The following TAF4 variants were observed in gnomAD, a reference collection of about 807,000 sequenced individuals.
The protein encoded by TAF4 is transcription initiation factor TFIID subunit 4.
TAF4 carries 9 observed loss-of-function variants against 90.3 expected under a neutral mutation model. That is an observed-to-expected ratio of 0.10 (90% CI 0.06 to 0.17). The LOEUF (loss-of-function observed/expected upper bound fraction) is 0.17, where lower values mean the gene tolerates loss of function less well. Ranked by LOEUF, TAF4 falls within the 10% of genes least tolerant of loss-of-function variation. TAF4 has a pLI of 1.00. For missense variants in TAF4, 1,351 were observed against 1,370.7 expected, an observed-to-expected ratio of 0.99 and a Z score of 0.23; for synonymous variants, 818 against 638.9, an observed-to-expected ratio of 1.28 and a Z score of -4.23.
At chr20:61,999,145 T>C (rs1339555789) in intron 11 of TAF4, 37 bp from the exon 12 acceptor site, 2 of 1,608,842 alleles carry the variant, frequency 1.2e-6, no homozygotes, top group Non-Finnish European at 1.7e-6. Context: ...GTCATAAATC[T>C]GAGAGCCCAG....
intron 14 of TAF4, among the ~76,000 whole-genome samples, chr20:61,982,203 G>A (rs138129152): frequency 4.1e-4 from 12 of 28,968 alleles, no homozygotes; most frequent in African/African-American, 4.3e-4. Context: ...CACCCCACCC[G>A]AGAGGAGACA....
At chr20:62,048,733 CCCA>C (rs1012570887) in intron 1 of TAF4, among the ~76,000 whole-genome samples, 5 of 151,280 alleles carry the variant, frequency 3.3e-5, no homozygotes, top group African/African-American at 1.2e-4. Flanking sequence ...TGGTCCTCTC[CCCA>C]CATGCCCACC....
At chr20:61,983,199 G>A (rs1184902966) in intron 14 of TAF4, among the ~76,000 whole-genome samples, 1 of 151,846 alleles carries the variant, frequency 6.6e-6, no homozygotes, top group African/African-American at 2.4e-5. Flanking sequence ...CGACTGCAGC[G>A]TGAACAGTCC....
At chr20:62,042,994 AG>A (rs2055972783) in intron 1 of TAF4, among the ~76,000 whole-genome samples, 1 of 152,308 alleles carries the variant, frequency 6.6e-6, no homozygotes, top group African/African-American at 2.4e-5. Flanking sequence ...GTTTCTAACA[AG>A]TAAGTTTAAA....
intron 13 of TAF4, 91 bp downstream of exon 13, chr20:61,998,045 A>G (rs1262322121): frequency 2.0e-5 from 25 of 1,249,874 alleles, no homozygotes; most frequent in African/African-American, 3.0e-5. Context: ...CCTATCGTAC[A>G]GAAGTGCCAC....
chr20:62,027,409 T>C (rs1330320193), intron 1 of TAF4, among the ~76,000 whole-genome samples: 2 of 152,224 alleles, frequency 1.3e-5, no homozygotes, highest in Non-Finnish European at 2.9e-5. Flanking sequence ...GACTGTTTTG[T>C]GATTTAGTCA....
intron 4 of TAF4, 88 bp from the exon 5 acceptor site, chr20:62,009,262 A>C: frequency 2.4e-6 from 3 of 1,267,266 alleles, no homozygotes; most frequent in Non-Finnish European, 2.2e-6. Flanking sequence ...GCATATGTAC[A>C]AAAGATACAT....
At chr20:62,054,852 C>T (rs1309298488) in intron 1 of TAF4, among the ~76,000 whole-genome samples, 1 of 152,114 alleles carries the variant, frequency 6.6e-6, no homozygotes, top group Non-Finnish European at 1.5e-5. Flanking sequence ...CTGGCCTGTG[C>T]CAGCTGCTCC....
chr20:61,988,645 G>A (rs2055611248), intron 14 of TAF4, among the ~76,000 whole-genome samples: 1 of 152,166 alleles, frequency 6.6e-6, no homozygotes, highest in Non-Finnish European at 1.5e-5. Context: ...TACTTTCTGG[G>A]TTTTGTGTGA....
chr20:62,047,382 C>G (rs559093305), intron 1 of TAF4, among the ~76,000 whole-genome samples: 1 of 152,184 alleles, frequency 6.6e-6, no homozygotes, highest in East Asian at 1.9e-4. Context: ...GAGAGTCACA[C>G]CAAGGTCTGG....
At position 62,010,772 on chromosome 20, in the gene TAF4, AC is replaced by A. The variant is rs1223954763; in HGVS notation, c.1642-608del. Among the ~76,000 whole-genome samples, 1 of 152,184 alleles carries A rather than the reference AC, an allele frequency of 6.6e-6. No homozygotes were observed. The highest frequency in any genetic ancestry group is 2.4e-5 in the African/African-American group (1 of 41,442). The stretch of plus-strand genomic sequence containing the variant: ...ATGGAGGATGGGTCATCAGTGTCAA[AC>A]TGTCAGAAAGGAGGGGCTGCTTTGC... On this transcript the variant is annotated intron_variant, in intron 3 of 14. Coordinates refer to ENST00000252996, the MANE Select transcript of TAF4 (RefSeq NM_003185.4). This position sits in a 1 kb window ranked among gnomAD's most constrained non-coding sequence, Gnocchi z 4.5.
intron 14 of TAF4, among the ~76,000 whole-genome samples, chr20:61,977,091 C>T (rs530234242): frequency 4.3e-4 from 64 of 149,692 alleles, no homozygotes; most frequent in African/African-American, 1.4e-3. Context: ...CACACGACAC[C>T]GCCCAGCGGG....
intron 1 of TAF4, among the ~76,000 whole-genome samples, chr20:62,049,894 C>T (rs1434054081): frequency 2.6e-5 from 4 of 152,128 alleles, no homozygotes; most frequent in African/African-American, 9.7e-5. Context: ...CCAGAGACGA[C>T]GGCACTCAAG....
intron 1 of TAF4, among the ~76,000 whole-genome samples, chr20:62,031,651 C>T (rs1030769486): frequency 4.6e-5 from 7 of 152,194 alleles, no homozygotes; most frequent in African/African-American, 1.4e-4. Flanking sequence ...GCGTTTTTCA[C>T]TCTATTCTCC....
intron 5 of TAF4, 189 bp from the exon 6 acceptor site, chr20:62,007,825 T>C: frequency 1.9e-6 from 1 of 534,962 alleles, no homozygotes. Context: ...CCCTGGACAC[T>C]GCAGTGCAGC....
chr20:62,036,284 C>T (rs75033725), intron 1 of TAF4, among the ~76,000 whole-genome samples: 1 of 152,322 alleles, frequency 6.6e-6, no homozygotes, highest in African/African-American at 2.4e-5. Context: ...CTCGGCCTCC[C>T]GAAGTGCTGG....
At chr20:62,002,209 TG>T (rs1221859979) in intron 9 of TAF4, among the ~76,000 whole-genome samples, 1 of 152,202 alleles carries the variant, frequency 6.6e-6, no homozygotes, top group East Asian at 1.9e-4. Flanking sequence ...AGCGTCACGC[TG>T]GGCCCAGGCA....
At chr20:62,025,480 C>A (rs2055869455) in intron 1 of TAF4, among the ~76,000 whole-genome samples, 1 of 152,134 alleles carries the variant, frequency 6.6e-6, no homozygotes, top group African/African-American at 2.4e-5. Context: ...AACTGTAATC[C>A]CCACGTGTGG....
In TAF4 at chr20:62,065,293, C is replaced by T. The variant is rs2056122905; in HGVS notation, c.518G>A (p.Gly173Asp). 2.2e-6 allele frequency: 2 copies of T among 911,560 alleles called. No homozygotes were observed. The highest frequency in any genetic ancestry group is 2.0e-5 in the African/African-American group (1 of 49,864). The allele number at this position is 911,560 out of a possible 1,614,324, so 56.5% of individuals were successfully genotyped here. ...GCCGGGGCCGGGGCCGGGCCCGGGG[C>T]CGGGGCCGGCGCGGGCGGCCAGCGC... ...PAALAARAGP[G>D]PGPGPGPGPG... Residue 173 changes from glycine to aspartate, a missense_variant, in exon 1 of 15, where the codon GGC becomes GAC. Physicochemically the swap from Gly to Asp is moderately conservative, Grantham distance 94. Transcript: ENST00000252996.
Sources: allele counts gnomAD v4.1 joint callset (sites outside exome capture counted in the v4.1 genomes callset), GRCh38; gene constraint gnomAD v4.1.1; non-coding constraint Gnocchi (gnomAD v3.1); transcripts MANE v1.5; gene names NCBI Gene and HGNC (gene_info 2026-07-23, HGNC 2026-07-21).